MAN1B1: variants seen among roughly 807,000 people sequenced by gnomAD.
MAN1B1 encodes mannosidase alpha class 1B member 1.
Under a neutral mutation model 75.5 loss-of-function variants are expected in MAN1B1, and 66 were observed. That is an observed-to-expected ratio of 0.87 (90% CI 0.72 to 1.07). The LOEUF is 1.07. Among genes scored for constraint, MAN1B1 ranks in the 50% least tolerant of loss-of-function variants. The probability of loss-of-function intolerance (pLI) is 0.00; values close to 1 mark genes in which losing one functional copy is unlikely to be tolerated. For synonymous variants in MAN1B1, 453 were observed against 382.8 expected (o/e 1.18, Z -2.14); for missense variants, 973 against 912.5 (o/e 1.07, Z -0.85).
intron 4 of MAN1B1, among the ~76,000 whole-genome samples, chr9:137,097,401 G>A (rs1490245791): frequency 6.6e-6 from 1 of 152,198 alleles, no homozygotes; most frequent in Non-Finnish European, 1.5e-5. Flanking sequence ...GACAGAACTC[G>A]ATGGGGAGTT....
At chr9:137,104,733 TGTG>T (rs748293114) in intron 8 of MAN1B1, 16 of 158,142 alleles carry the variant, frequency 1.0e-4, no homozygotes, top group Non-Finnish European at 1.5e-4. Context: ...TGCCTGAGGC[TGTG>T]TTTTGGCCGT....
At position 137,088,068 on chromosome 9, in the gene MAN1B1, C is replaced by G. The variant is rs1352289329; in HGVS notation, c.220-7C>G. On this transcript the variant is annotated splice_region_variant and splice_polypyrimidine_tract_variant and intron_variant, in intron 1 of 12. Coordinates refer to ENST00000371589, the MANE Select transcript of MAN1B1 (RefSeq NM_016219.5). ...GTAAGAAATGTCATTCTCTGTACCT[C>G]CCTTAGAAATGGAAGCAACTGTCGA... 6.2e-7 allele frequency: 1 copy of G among 1,605,934 alleles called. No homozygotes were observed. The highest frequency in any genetic ancestry group is 1.7e-5 in the Admixed American group (1 of 60,016).
Position 137,106,297 on chromosome 9 carries a change from G to A in MAN1B1, c.1427G>A (p.Gly476Asp). The A allele has an allele frequency of 6.4e-7, 1 of 1,553,972 alleles. No homozygotes were observed. The highest frequency in any genetic ancestry group is 8.7e-7 in the Non-Finnish European group (1 of 1,149,460). ...YEYLLKQWIQ[G>D]GKQETQLLED... ...TACCTGCTGAAGCAGTGGATCCAGG[G>A]CGGGAAGCAGGAGACACAGTGAGGC... Residue 476 changes from glycine (G) to aspartate (D), a missense_variant, in exon 9 of 13, where the codon GGC becomes GAC. Physicochemically the swap from Gly to Asp is moderately conservative, Grantham distance 94. Transcript: ENST00000371589.
At chr9:137,094,063 G>A (rs920129640) in intron 3 of MAN1B1, among the ~76,000 whole-genome samples, 1 of 148,394 alleles carries the variant, frequency 6.7e-6, no homozygotes, top group African/African-American at 2.5e-5. Context: ...TGCCCAGGCT[G>A]GAGTGCAGTG....
chr9:137,101,599 C>T lies in MAN1B1; in HGVS notation c.1181C>T (p.Thr394Ile). Residue 394 changes from threonine (T) to isoleucine (I), a missense_variant, in exon 8 of 13, where the codon ACT (threonine) becomes ATT (isoleucine). Physicochemically the swap from Thr to Ile is moderately conservative, Grantham distance 89. Transcript: ENST00000371589. ...CCGCCACGGTGGACCTCCGACAGCA[C>T]TGTGGCCGAGGTGACCAGCATTCAG... The part of the protein sequence containing the change: ...AHPPRWTSDS[T>I]VAEVTSIQLE... 6.2e-7 allele frequency: 1 copy of T among 1,613,872 alleles called. No individual in the cohort carries two copies. Among genetic ancestry groups the T allele is most frequent in the Non-Finnish European group, 8.5e-7 (1 of 1,180,044 alleles).
rs542324804 is a variant in MAN1B1 at position 137,106,444 on chromosome 9, C to A, written c.1445+129C>A. The A allele has an allele frequency of 2.0e-5, 21 of 1,028,672 alleles. No individual in the cohort carries two copies. In the Admixed American group the frequency reaches 3.4e-4, roughly 17 times the overall value. The allele number at this position is 1,028,672 out of a possible 1,614,324, so 63.7% of individuals were successfully genotyped here. A position where few individuals can be genotyped will look rare whatever the true frequency, so the allele number is the denominator to read the frequency against. On this transcript the variant is annotated intron_variant, in intron 9 of 12. Transcript: ENST00000371589. ...CGCCACACTGTGTGTCAGGAAACCGCAGCCGTGCCAGGCCTGGCCCAGGCA... is the reference window on the plus strand; with the variant it reads ...CGCCACACTGTGTGTCAGGAAACCGAAGCCGTGCCAGGCCTGGCCCAGGCA...
chr9:137,100,265 T>C lies in MAN1B1; in HGVS notation c.916+384T>C, dbSNP rs528047196. Among the ~76,000 whole-genome samples, 77 of 152,346 alleles carry C rather than the reference T, an allele frequency of 5.1e-4. 1 individual carries two copies. The South Asian group carries it at 0.016, about 31-fold the overall frequency. ...ATCCACTTTGAATTGGGAGTATGTG[T>C]CTTCGGTTATTTAAGCGATAATTTA... is the stretch of plus-strand genomic sequence containing the variant. On this transcript the variant is annotated intron_variant, in intron 6 of 12. Coordinates refer to ENST00000371589, the MANE Select transcript of MAN1B1 (RefSeq NM_016219.5).
chr9:137,087,049 C>G lies in MAN1B1; in HGVS notation c.50C>G (p.Ser17Trp). Residue 17 changes from serine (S) to tryptophan (W), a missense_variant, in exon 1 of 13, where the codon TCG becomes TGG. Physicochemically the swap from Ser to Trp is radical, Grantham distance 177. Coordinates refer to ENST00000371589, the MANE Select transcript of MAN1B1 (RefSeq NM_016219.5). ...RRSGALGSSQ[S>W]DFLTPPVGGA... ...AGCGGAGCTCTCGGTTCCTCTCAGT[C>G]GGACTTCCTGACGCCGCCAGTGGGC... 2 of 1,604,650 alleles carry G rather than the reference C, an allele frequency of 1.2e-6. No individual in the cohort carries two copies. Among genetic ancestry groups the G allele is most frequent in the African/African-American group, 1.3e-5 (1 of 75,006 alleles).
rs1471917636 is a variant in MAN1B1 at position 137,109,056 on chromosome 9, C to G, written c.*465C>G. ...CAGGGCTGGCTCTGGTGTTTACAAG[C>G]TGGACTCAGGGATCCTCCTGGCCGC... On this transcript the variant is annotated 3_prime_UTR_variant, in exon 13 of 13. Transcript: ENST00000371589. 2.2e-6 allele frequency: 1 copy of G among 457,170 alleles called. No individual in the cohort carries two copies. The highest frequency in any genetic ancestry group is 4.4e-6 in the Non-Finnish European group (1 of 227,816). 28.3% of individuals were successfully genotyped at this position (457,170 alleles called of 1,614,324 possible).
At chr9:137,097,749 TG>T in intron 4 of MAN1B1, 78 bp from the exon 5 acceptor site, 1 of 1,113,086 alleles carries the variant, frequency 9.0e-7, no homozygotes, top group Non-Finnish European at 1.3e-6. Context: ...GCCTTGGCCG[TG>T]GGTATGGAGC....
Position 137,088,140 on chromosome 9 carries a change from C to T in MAN1B1, c.285C>T (p.Phe95=), listed in dbSNP as rs1168304943. 6 of 1,614,096 alleles carry T rather than the reference C, an allele frequency of 3.7e-6. No homozygotes were observed. The African/African-American group carries it at 6.7e-5, about 18-fold the overall frequency. Residue 95 remains phenylalanine (F), a synonymous_variant, in exon 2 of 13, where the codon TTC becomes TTT. Coordinates refer to ENST00000371589, the MANE Select transcript of MAN1B1 (RefSeq NM_016219.5). ...MILFLLAFLL[F]CGLLFYINLA... is the part of the protein sequence containing the mutation. ...TCTTCCTCCTTGCCTTTCTGCTTTT[C>T]TGTGGACTCCTCTTCTACATCAACT...
chr9:137,099,612 C>A, intron 5 of MAN1B1, 84 bp from the exon 6 acceptor site: 1 of 1,457,442 alleles, frequency 6.9e-7, no homozygotes, highest in South Asian at 1.1e-5. Flanking sequence ...ATGGGGGTCA[C>A]AGCAGTGCTC....
Position 137,107,451 on chromosome 9 carries a change from G to A in MAN1B1, c.1764+4G>A. On this transcript the variant is annotated splice_donor_region_variant and intron_variant, in intron 11 of 12. Transcript: ENST00000371589. ...CCGTCGGGACGTGGAGGTCAAGGTG[G>A]GCCTGGGCCTGGGTCAGGGTCCATC... The A allele has an allele frequency of 6.2e-7, 1 of 1,613,346 alleles. No homozygotes were observed. Among genetic ancestry groups the A allele is most frequent in the South Asian group, 1.1e-5 (1 of 91,084 alleles).
At chr9:137,091,521 ATTTTTT>A (rs964752016) in intron 3 of MAN1B1, among the ~76,000 whole-genome samples, 33 of 89,928 alleles carry the variant, frequency 3.7e-4, no homozygotes, top group Non-Finnish European at 5.7e-4. Flanking sequence ...TTTGTTTTAT[ATTTTTT>A]TTTTTTTTTT....
At chr9:137,091,134 C>T (rs1405605442) in intron 3 of MAN1B1, among the ~76,000 whole-genome samples, 3 of 152,238 alleles carry the variant, frequency 2.0e-5, no homozygotes, top group East Asian at 1.9e-4. Context: ...AGGTCTTTGT[C>T]TACAAATTGA....
rs770042630 is a variant in MAN1B1, at chr9:137,108,578, G to A, written c.2087G>A (p.Trp696Ter). 6.2e-7 allele frequency: 1 copy of A among 1,613,740 alleles called. No homozygotes were observed. The highest frequency in any genetic ancestry group is 1.7e-5 in the Admixed American group (1 of 60,020). ...ACCGAAGCCCACCCTCTGCCTATCT[G>A]GACCCCTGCCTAGGGTGGATGGCTG... ...FNTEAHPLPI[W>*]TPA is the part of the protein sequence containing the mutation. The change falls in exon 13 of 13, where the codon TGG (tryptophan) becomes TAG (stop). Residue 696 changes from tryptophan to a stop codon, truncating the protein, a stop_gained. Coordinates refer to ENST00000371589, the MANE Select transcript of MAN1B1 (RefSeq NM_016219.5). LOFTEE classifies it high-confidence loss of function.
chr9:137,089,363 C>T (rs1376987092), intron 3 of MAN1B1: 10 of 356,610 alleles, frequency 2.8e-5, no homozygotes, highest in South Asian at 2.1e-4. Flanking sequence ...AAGAGCAGGG[C>T]GCTGGTGAAG....
In MAN1B1 at chr9:137,108,772, G is replaced by A. The variant is rs1458941297; in HGVS notation, c.*181G>A. On this transcript the variant is annotated 3_prime_UTR_variant, in exon 13 of 13. Transcript: ENST00000371589. ...ACCGTGAGGACAAGTGAGGCCGTCAGTCTTGGTGTGATGCGGGGTGGGCTG... is the reference window on the plus strand; with the variant it reads ...ACCGTGAGGACAAGTGAGGCCGTCAATCTTGGTGTGATGCGGGGTGGGCTG... 15 of 714,374 alleles carry A rather than the reference G, an allele frequency of 2.1e-5. No individual in the cohort carries two copies. In the Admixed American group the frequency reaches 2.8e-4, roughly 13 times the overall value. 44.3% of individuals were successfully genotyped at this position (714,374 alleles called of 1,614,324 possible).
At chr9:137,101,342 C>A in intron 7 of MAN1B1, 142 bp from the exon 8 acceptor site, 1 of 1,079,996 alleles carries the variant, frequency 9.3e-7, no homozygotes, top group Non-Finnish European at 1.4e-6. Flanking sequence ...GAGACATTCA[C>A]TCAGTGCAGA....
Sources: allele counts gnomAD v4.1 joint callset (sites outside exome capture counted in the v4.1 genomes callset), GRCh38; gene constraint gnomAD v4.1.1; transcripts MANE v1.5; gene names NCBI Gene and HGNC (gene_info 2026-07-23, HGNC 2026-07-21).